The following STK4 variants were observed in gnomAD, a reference collection of about 807,000 sequenced individuals.
STK4 encodes the protein serine/threonine kinase 4, also known as serine/threonine-protein kinase 4.
In STK4, 30 loss-of-function variants were observed where a neutral mutation model predicts 64.9. That is an observed-to-expected ratio of 0.46 (90% CI 0.35 to 0.63). The LOEUF is 0.63. Among genes scored for constraint, STK4 ranks in the 20% least tolerant of loss-of-function variants. The pLI is 0.01. For missense variants in STK4, 466 were observed against 598.5 expected (o/e 0.78, Z 2.31); for synonymous variants, 177 against 199.0 (o/e 0.89, Z 0.93).
chr20:45,017,807 T>C (rs1303684730), intron 9 of STK4, among the ~76,000 whole-genome samples: 3 of 152,226 alleles, frequency 2.0e-5, no homozygotes, highest in Non-Finnish European at 4.4e-5. Flanking sequence ...TTTAGCTCTC[T>C]TTGAATTTAT....
At chr20:44,997,580 C>G (rs531453676) in intron 7 of STK4, among the ~76,000 whole-genome samples, 105 of 152,228 alleles carry the variant, frequency 6.9e-4, no homozygotes, top group Middle Eastern at 3.4e-3. Context: ...GTTCCAGCTA[C>G]CTGGAAGGCT....
intron 10 of STK4, among the ~76,000 whole-genome samples, chr20:45,037,368 A>G (rs981412055): frequency 6.6e-6 from 1 of 151,882 alleles, no homozygotes; most frequent in African/African-American, 2.4e-5. Flanking sequence ...TGCCCAATGT[A>G]CCCTTTTTTG....
chr20:44,997,336 T>C (rs199498526), intron 7 of STK4, 30 bp downstream of exon 7: 1 of 1,555,296 alleles, frequency 6.4e-7, no homozygotes, highest in Admixed American at 2.1e-5. Flanking sequence ...GCCATCTCGC[T>C]CCATTTCATT....
At chr20:45,016,629 TC>T (rs2068147658) in intron 9 of STK4, among the ~76,000 whole-genome samples, 1 of 152,174 alleles carries the variant, frequency 6.6e-6, no homozygotes, top group South Asian at 2.1e-4. Flanking sequence ...GCCTGAAAAT[TC>T]ATTCAGAACA....
chr20:44,981,484 T>A (rs1402673334), intron 3 of STK4, among the ~76,000 whole-genome samples: 1 of 152,298 alleles, frequency 6.6e-6, no homozygotes, highest in East Asian at 1.9e-4. Flanking sequence ...ATAAACTCCC[T>A]AATGTTGGAT....
chr20:45,005,674 G>A (rs527697641), intron 9 of STK4, among the ~76,000 whole-genome samples: 52 of 146,528 alleles, frequency 3.5e-4, no homozygotes, highest in Non-Finnish European at 5.4e-4. Context: ...AAAACAAAAC[G>A]TTAGCTACTA....
rs1980724378 is a variant in STK4 at position 45,078,952 on chromosome 20, TAAAC to T, written c.*3780_*3783del. The T allele has an allele frequency of 6.6e-6, 1 of 151,348 alleles. No individual in the cohort carries two copies. Among genetic ancestry groups the T allele is most frequent in the Admixed American group, 6.6e-5 (1 of 15,222 alleles). The allele number at this position is 151,348 out of a possible 1,614,324, so 9.4% of individuals were successfully genotyped here. On this transcript the variant is annotated 3_prime_UTR_variant, in exon 11 of 11. Transcript: ENST00000372806. Reference sequence around the variant, plus strand: ...AATAAATTTAACAACTTCAACATCATAAACAAATTCCTTGAAAAATAAAAAGTAC... The same window carrying T: ...AATAAATTTAACAACTTCAACATCATAAATTCCTTGAAAAATAAAAAGTAC...
At chr20:45,059,735 A>T (rs1375789888) in intron 10 of STK4, among the ~76,000 whole-genome samples, 1 of 152,148 alleles carries the variant, frequency 6.6e-6, no homozygotes, top group Admixed American at 6.5e-5. Context: ...TTAAAATAGA[A>T]TTTTTCTTAA....
At chr20:44,968,313 A>C (rs757088338) in intron 1 of STK4, among the ~76,000 whole-genome samples, 4 of 152,068 alleles carry the variant, frequency 2.6e-5, no homozygotes, top group Non-Finnish European at 5.9e-5. Flanking sequence ...AATTTTTTGT[A>C]GTTTTAGTAG....
At chr20:45,003,117 C>T (rs904481075) in intron 9 of STK4, among the ~76,000 whole-genome samples, 33 of 152,102 alleles carry the variant, frequency 2.2e-4, no homozygotes, top group African/African-American at 7.5e-4. Flanking sequence ...AAACTATCCT[C>T]CCACCTCAGT....
chr20:45,029,945 G>A (rs1398726458), intron 10 of STK4, among the ~76,000 whole-genome samples: 1 of 152,038 alleles, frequency 6.6e-6, no homozygotes, highest in Non-Finnish European at 1.5e-5. Context: ...TACTCTTACT[G>A]GAGGTACCAA....
intron 9 of STK4, among the ~76,000 whole-genome samples, chr20:45,020,920 T>G (rs945663537): frequency 2.0e-5 from 3 of 151,960 alleles, no homozygotes; most frequent in Non-Finnish European, 4.4e-5. Flanking sequence ...CAGGTGATCC[T>G]CCTGCCTCAG....
intron 10 of STK4, among the ~76,000 whole-genome samples, chr20:45,064,555 C>T (rs572420306): frequency 3.6e-4 from 55 of 152,246 alleles, no homozygotes; most frequent in Non-Finnish European, 6.2e-4. Context: ...TTCTTCCCAT[C>T]TATGAACATG....
chr20:45,027,791 C>G (rs894153579), intron 10 of STK4, among the ~76,000 whole-genome samples: 2 of 152,274 alleles, frequency 1.3e-5, no homozygotes, highest in East Asian at 3.9e-4. Context: ...CACTGCTAAC[C>G]GTCATTCTAC....
In STK4 at chr20:44,972,101, A is replaced by G. The variant is rs1223830795; in HGVS notation, c.59A>G (p.Asp20Gly). 1.2e-6 allele frequency: 2 copies of G among 1,614,034 alleles called. No individual in the cohort carries two copies. The highest frequency in any genetic ancestry group is 2.2e-5 in the East Asian group (1 of 44,866). Residue 20 changes from aspartate to glycine, a missense_variant, in exon 2 of 11, where the codon GAT becomes GGT. By Grantham distance (94) the Asp-to-Gly change is moderately conservative. Around this residue, in one of 2 missense-constraint regions of STK4, gnomAD observed 190 missense variants for 289.7 expected, o/e 0.66. Transcript: ENST00000372806. ...AGGCAGCTGAAAAAGTTGGATGAAG[A>G]TAGTTTAACCAAACAACCAGAAGAA... is the stretch of plus-strand genomic sequence containing the variant. ...PRRQLKKLDEDSLTKQPEEVF... is the reference protein window; with the variant it reads ...PRRQLKKLDEGSLTKQPEEVF...
intron 10 of STK4, among the ~76,000 whole-genome samples, chr20:45,051,567 G>C (rs150322410): frequency 1.4e-4 from 22 of 152,218 alleles, no homozygotes; most frequent in African/African-American, 5.3e-4. Flanking sequence ...TTTAGCTGTG[G>C]GTTGATTTGT....
chr20:45,062,468 G>T (rs115457894), intron 10 of STK4, among the ~76,000 whole-genome samples: 3,818 of 152,282 alleles, frequency 0.025, 136 homozygotes, highest in African/African-American at 0.082. Flanking sequence ...GGGCCAAATG[G>T]TAATGCTGTT....
At chr20:45,012,693 A>G (rs2068071328) in intron 9 of STK4, among the ~76,000 whole-genome samples, 1 of 151,856 alleles carries the variant, frequency 6.6e-6, no homozygotes, top group South Asian at 2.1e-4. Flanking sequence ...AACAGGTTTT[A>G]TGGAGATTGC....
In STK4 at chr20:45,000,419, G is replaced by A. The variant is rs372387562; in HGVS notation, c.859G>A (p.Val287Met). Residue 287 changes from valine to methionine, a missense_variant, in exon 8 of 11, where the codon GTG becomes ATG. Val to Met is a conservative substitution (Grantham distance 21, BLOSUM62 1). Coordinates refer to ENST00000372806, the MANE Select transcript of STK4 (RefSeq NM_006282.5). ...CCCATTTGTCAGGAGTGCCAAAGGA[G>A]TGTCAATACTGCGAGACTTAATTAA... Reference protein sequence around the residue: ...QHPFVRSAKGVSILRDLINEA... With the variant: ...QHPFVRSAKGMSILRDLINEA... 1 of 1,613,924 alleles carries A rather than the reference G, an allele frequency of 6.2e-7. No homozygotes were observed. Among genetic ancestry groups the A allele is most frequent in the African/African-American group, 1.3e-5 (1 of 74,926 alleles).
Sources: allele counts gnomAD v4.1 joint callset (sites outside exome capture counted in the v4.1 genomes callset), GRCh38; gene constraint gnomAD v4.1.1; regional missense constraint gnomAD v4.1.1; transcripts MANE v1.5; gene names NCBI Gene and HGNC (gene_info 2026-07-23, HGNC 2026-07-21).